The following SLC35F4 variants were observed in gnomAD, a reference collection of about 807,000 sequenced individuals.
SLC35F4 encodes chromosome 14 open reading frame 36.
A neutral mutation model predicts 44.2 loss-of-function variants in SLC35F4; 24 were observed. The ratio of observed to expected loss-of-function variants is 0.54; its 90% CI spans 0.39 to 0.76. SLC35F4 has a LOEUF of 0.76. Ranked by LOEUF, SLC35F4 falls within the 30% of genes least tolerant of loss-of-function variation. The pLI, the probability that SLC35F4 is intolerant of heterozygous loss-of-function variation, is 0.00. For missense variants in SLC35F4, 562 were observed against 586.1 expected (o/e 0.96, Z 0.42); for synonymous variants, 238 against 223.6 (o/e 1.06, Z -0.57).
At chr14:57,812,313 A>G (rs571680797) in intron 1 of SLC35F4, among the ~76,000 whole-genome samples, 1 of 152,194 alleles carries the variant, frequency 6.6e-6, no homozygotes, top group South Asian at 2.1e-4. Flanking sequence ...TTCAGAGTCT[A>G]CTTACATGAG....
intron 1 of SLC35F4, among the ~76,000 whole-genome samples, chr14:57,664,706 C>T (rs62004028): frequency 0.061 from 9,234 of 152,100 alleles, 420 homozygotes; most frequent in South Asian, 0.092. Context: ...CCACTGTGTC[C>T]GGCAGTCCAG....
At chr14:57,935,958 G>C (rs539072363) in intron 1 of SLC35F4, among the ~76,000 whole-genome samples, 6 of 152,308 alleles carry the variant, frequency 3.9e-5, no homozygotes, top group African/African-American at 1.4e-4. Flanking sequence ...ACTTGGAATA[G>C]ACATTGGGAA....
At chr14:57,631,912 T>C (rs2072795136) in intron 1 of SLC35F4, among the ~76,000 whole-genome samples, 1 of 152,270 alleles carries the variant, frequency 6.6e-6, no homozygotes, top group East Asian at 1.9e-4. Context: ...GTAAGAATTA[T>C]CACAAAGAAA....
chr14:57,582,670 G>C (rs1440525674), intron 3 of SLC35F4, among the ~76,000 whole-genome samples: 1 of 152,102 alleles, frequency 6.6e-6, no homozygotes, highest in African/African-American at 2.4e-5. Flanking sequence ...AGTATTTATG[G>C]GGTAACTGTC....
At chr14:57,784,224 A>G (rs2140762983) in intron 1 of SLC35F4, among the ~76,000 whole-genome samples, 1 of 152,338 alleles carries the variant, frequency 6.6e-6, no homozygotes, top group African/African-American at 2.4e-5. Context: ...GAGAATGAGA[A>G]AGACATAGAA....
At chr14:57,859,545 G>A (rs1566910742) in intron 1 of SLC35F4, among the ~76,000 whole-genome samples, 3 of 152,184 alleles carry the variant, frequency 2.0e-5, no homozygotes, top group African/African-American at 7.2e-5. Flanking sequence ...TATAAGCTGG[G>A]TTCAGATTGT....
intron 3 of SLC35F4, among the ~76,000 whole-genome samples, chr14:57,584,218 G>GT (rs2069520951): frequency 6.6e-6 from 1 of 151,974 alleles, no homozygotes; most frequent in South Asian, 2.1e-4. Flanking sequence ...TTCTCTTGTA[G>GT]TATATAAATG....
At chr14:57,706,337 T>C (rs891521358) in intron 1 of SLC35F4, among the ~76,000 whole-genome samples, 1 of 152,064 alleles carries the variant, frequency 6.6e-6, no homozygotes, top group Non-Finnish European at 1.5e-5. Context: ...CATCAAGAAT[T>C]CTATAGGAAA....
chr14:57,877,311 T>A (rs1396172488), intron 1 of SLC35F4, among the ~76,000 whole-genome samples: 2 of 152,152 alleles, frequency 1.3e-5, no homozygotes, highest in Non-Finnish European at 2.9e-5. Context: ...CCTCCATCCA[T>A]GTTGTTGCAA....
At chr14:57,936,247 G>T (rs1170057796) in intron 1 of SLC35F4, among the ~76,000 whole-genome samples, 1 of 152,194 alleles carries the variant, frequency 6.6e-6, no homozygotes, top group Non-Finnish European at 1.5e-5. Context: ...TGGATCAGAT[G>T]TATTTTACTT....
chr14:57,888,330 A>G (rs8013190), intron 1 of SLC35F4, among the ~76,000 whole-genome samples: 5,582 of 152,316 alleles, frequency 0.037, 357 homozygotes, highest in African/African-American at 0.13. Flanking sequence ...CATGTCTTCA[A>G]CAGGGTAGTA....
intron 1 of SLC35F4, among the ~76,000 whole-genome samples, chr14:57,699,196 A>G (rs1163736831): frequency 6.6e-6 from 1 of 152,232 alleles, no homozygotes; most frequent in Non-Finnish European, 1.5e-5. Flanking sequence ...GTTTCCAATC[A>G]TGACTATTTA....
intron 1 of SLC35F4, chr14:57,837,422 C>T (rs1885044786): frequency 6.6e-6 from 1 of 152,194 alleles, no homozygotes; most frequent in Non-Finnish European, 1.5e-5. Context: ...TTGTTTGGCT[C>T]AAATACTGTA....
intron 1 of SLC35F4, among the ~76,000 whole-genome samples, chr14:57,610,542 A>G (rs1454036540): frequency 6.6e-6 from 1 of 152,202 alleles, no homozygotes; most frequent in East Asian, 1.9e-4. Context: ...AAAACTCTAT[A>G]ACCACAGAAT....
intron 1 of SLC35F4, among the ~76,000 whole-genome samples, chr14:57,649,434 C>T (rs1159374601): frequency 6.6e-6 from 1 of 152,166 alleles, no homozygotes; most frequent in Non-Finnish European, 1.5e-5. Flanking sequence ...TTTGTCTTCA[C>T]ATCTCCATCT....
chr14:57,944,713 AAGAAAG>A (rs1183069274), intron 1 of SLC35F4, among the ~76,000 whole-genome samples: 1 of 116,138 alleles, frequency 8.6e-6, no homozygotes, highest in Non-Finnish European at 1.9e-5. Flanking sequence ...GAAAGAAAGA[AAGAAAG>A]AAAGAAAGAA....
chr14:57,937,645 GAAAAGAAAAA>G lies in SLC35F4; in HGVS notation n.282+44258_282+44267del, dbSNP rs1485437163. Among the ~76,000 whole-genome samples the G allele has an allele frequency of 9.1e-3, 1,060 of 116,572 alleles. 12 individuals carry two copies. Among genetic ancestry groups the G allele is most frequent in the African/African-American group, 0.03 (839 of 27,568 alleles). 76.5% of individuals were successfully genotyped at this position (116,572 alleles called of 152,430 possible). On this transcript the variant is annotated intron_variant and non_coding_transcript_variant, in intron 1 of 1. Coordinates refer to the SLC35F4 transcript ENST00000556568. ...GAAAAGAAAAGAAAAGAAAAGAAAA[GAAAAGAAAAA>G]AGAAAAGAAAAAGATATCACAAAGG...
chr14:57,869,022 C>A (rs1888240316), upstream of SLC35F4, among the ~76,000 whole-genome samples: 2 of 152,012 alleles, frequency 1.3e-5, no homozygotes, highest in African/African-American at 2.4e-5. Context: ...TGTTATAAAA[C>A]AAAATTTGTT....
At chr14:57,848,097 T>C (rs1886197288) in intron 1 of SLC35F4, among the ~76,000 whole-genome samples, 1 of 152,094 alleles carries the variant, frequency 6.6e-6, no homozygotes. Context: ...AAATTGAGGG[T>C]AGAGAAAATG....
Sources: gnomAD v4.1 joint callset for allele counts (sites outside exome capture counted in the v4.1 genomes callset) on GRCh38, gnomAD v4.1.1 for gene constraint, MANE v1.5 for transcripts, NCBI Gene and HGNC (gene_info 2026-07-23, HGNC 2026-07-21) for gene names.